The following SGO2 variants were observed in gnomAD, a reference collection of about 807,000 sequenced individuals.
The protein encoded by SGO2 is shugoshin-like 2.
A neutral mutation model predicts 99.5 loss-of-function variants in SGO2; 68 were observed. The observed-to-expected ratio is 0.68, with a 90% CI of 0.56 to 0.84. SGO2 has a LOEUF of 0.84. Among genes scored for constraint, SGO2 ranks in the 40% least tolerant of loss-of-function variants. SGO2 has a pLI of 0.00. For synonymous variants in SGO2, 457 were observed against 487.1 expected (o/e 0.94, Z 0.81); for missense variants, 1,350 against 1,436.7 (o/e 0.94, Z 0.97).
chr2:200,556,948 G>A (rs2032744362), intron 5 of SGO2, among the ~76,000 whole-genome samples: 1 of 152,148 alleles, frequency 6.6e-6, no homozygotes, highest in Admixed American at 6.5e-5. Flanking sequence ...TCATTGCAAT[G>A]ACACTGAATC....
At chr2:200,531,515 A>T (rs2031377600) in intron 1 of SGO2, among the ~76,000 whole-genome samples, 1 of 152,096 alleles carries the variant, frequency 6.6e-6, no homozygotes. Flanking sequence ...CTGTGTCCTC[A>T]GGGGAGAGGG....
intron 5 of SGO2, among the ~76,000 whole-genome samples, chr2:200,568,816 T>A (rs1447449740): frequency 6.6e-6 from 1 of 152,140 alleles, no homozygotes; most frequent in Non-Finnish European, 1.5e-5. Flanking sequence ...AGTTGTTTTT[T>A]AAAATATTTT....
chr2:200,542,730 G>A (rs1030057596), intron 5 of SGO2, 66 bp downstream of exon 5: 1 of 1,364,482 alleles, frequency 7.3e-7, no homozygotes, highest in Non-Finnish European at 1.0e-6. Flanking sequence ...ATTAGTGTTT[G>A]TGTGTATTGT....
At chr2:200,549,463 C>T (rs1398904799) in intron 5 of SGO2, among the ~76,000 whole-genome samples, 2 of 152,104 alleles carry the variant, frequency 1.3e-5, no homozygotes, top group African/African-American at 4.8e-5. Context: ...AATAAAACTA[C>T]AGACCAATAT....
At chr2:200,533,906 A>G (rs1042799994) in intron 2 of SGO2, among the ~76,000 whole-genome samples, 6 of 152,136 alleles carry the variant, frequency 3.9e-5, no homozygotes, top group African/African-American at 1.4e-4. Flanking sequence ...CTTTGGCAAG[A>G]CTATTCCACA....
Position 200,535,152 on chromosome 2 carries a change from G to A in SGO2, c.290G>A (p.Arg97His), listed in dbSNP as rs758042162. The A allele has an allele frequency of 3.9e-5, 60 of 1,523,840 alleles. No individual in the cohort carries two copies. The highest frequency in any genetic ancestry group is 1.0e-4 in the African/African-American group (7 of 68,928). 94.4% of individuals were successfully genotyped at this position (1,523,840 alleles called of 1,614,324 possible). A position where few individuals can be genotyped will look rare whatever the true frequency, so the allele number is the denominator to read the frequency against. ...CTGAATTTTGAGAACACATTTCTTC[G>A]CCTAAAGCTAAATAACTTGGTATGT... ...EKLNFENTFLRLKLNNLNKKL... is the reference protein window; with the variant it reads ...EKLNFENTFLHLKLNNLNKKL... The change falls in exon 3 of 9, where the codon CGC (arginine) becomes CAC (histidine). Residue 97 changes from arginine (R) to histidine (H), a missense_variant. Transcript: ENST00000357799.
rs2033394406 is a variant in SGO2, at chr2:200,571,067, G to T, written c.721G>T (p.Asp241Tyr). ...VPPRESHSHS[D>Y]QSSKTSLMSE... ...CTTAATAGAAAGCCATTCCCACTCA[G>T]ACCAAAGTTCTAAGACTTCTCTAAT... The change falls in exon 7 of 9, where the codon GAC becomes TAC. Residue 241 changes from aspartate (D) to tyrosine (Y), a missense_variant. By Grantham distance (160) the Asp-to-Tyr change is radical. Transcript: ENST00000357799. 2 of 1,580,316 alleles carry T rather than the reference G, an allele frequency of 1.3e-6. No individual in the cohort carries two copies. Among genetic ancestry groups the T allele is most frequent in the East Asian group, 4.5e-5 (2 of 44,442 alleles).
chr2:200,567,611 A>G (rs1179987730), intron 5 of SGO2, among the ~76,000 whole-genome samples: 3 of 151,918 alleles, frequency 2.0e-5, no homozygotes, highest in Admixed American at 6.6e-5. Flanking sequence ...AGCAGTCTCC[A>G]TTCTCCACCC....
intron 8 of SGO2, among the ~76,000 whole-genome samples, chr2:200,583,137 T>C (rs2033894025): frequency 6.6e-6 from 1 of 152,160 alleles, no homozygotes; most frequent in East Asian, 1.9e-4. Flanking sequence ...TGTTTTTAAA[T>C]GGTATATTTT....
At chr2:200,579,345 CCT>C (rs927972559) in intron 8 of SGO2, among the ~76,000 whole-genome samples, 13 of 152,222 alleles carry the variant, frequency 8.5e-5, no homozygotes, top group African/African-American at 2.6e-4. Context: ...TGTTTGTATG[CCT>C]CTTACTGTTT....
In SGO2 at chr2:200,571,302, A is replaced by T. The variant is rs769123593; in HGVS notation, c.956A>T (p.Asn319Ile). The T allele has an allele frequency of 1.2e-6, 2 of 1,613,248 alleles. No homozygotes were observed. Residue 319 changes from asparagine (N) to isoleucine (I), a missense_variant, in exon 7 of 9, where the codon AAT becomes ATT. Transcript: ENST00000357799. ...NEINGHTNET[N>I]TEMQRNKQDL... ...ATAAATGGTCATACTAATGAAACAA[A>T]TACTGAAATGCAAAGAAATAAACAG...
intron 8 of SGO2, among the ~76,000 whole-genome samples, chr2:200,576,584 A>G (rs2033672161): frequency 6.6e-6 from 1 of 152,330 alleles, no homozygotes; most frequent in South Asian, 2.1e-4. Flanking sequence ...AAAAAAGAAA[A>G]AAAAAGTATG....
At chr2:200,580,448 A>G in intron 8 of SGO2, 1 of 425,676 alleles carries the variant, frequency 2.3e-6, no homozygotes, top group Non-Finnish European at 4.7e-6. Context: ...CATATTTATT[A>G]TTTCCTTCTT....
chr2:200,569,579 A>G (rs1430660159), intron 5 of SGO2, 84 bp from the exon 6 acceptor site: 1 of 1,007,560 alleles, frequency 9.9e-7, no homozygotes. Flanking sequence ...TCGATCTTAA[A>G]TAGAATATAG....
intron 5 of SGO2, among the ~76,000 whole-genome samples, chr2:200,558,472 G>A (rs1051355768): frequency 2.0e-5 from 3 of 151,878 alleles, no homozygotes; most frequent in African/African-American, 7.3e-5. Flanking sequence ...ATTTTTGAAT[G>A]TTAAACCACA....
chr2:200,561,313 C>A (rs561829458), intron 5 of SGO2, among the ~76,000 whole-genome samples: 1 of 152,088 alleles, frequency 6.6e-6, no homozygotes, highest in African/African-American at 2.4e-5. Context: ...TCTGTCCTTG[C>A]AATAGTTTGC....
At chr2:200,538,461 T>C (rs1030877546) in intron 4 of SGO2, among the ~76,000 whole-genome samples, 3 of 152,174 alleles carry the variant, frequency 2.0e-5, no homozygotes, top group Non-Finnish European at 4.4e-5. Flanking sequence ...ACATTTCATA[T>C]CCTGCTTTTC....
intron 4 of SGO2, among the ~76,000 whole-genome samples, chr2:200,536,528 G>T (rs1167539912): frequency 2.0e-5 from 3 of 152,060 alleles, no homozygotes; most frequent in African/African-American, 7.2e-5. Context: ...ATAGAGGCTG[G>T]TCCTACTTTA....
intron 5 of SGO2, among the ~76,000 whole-genome samples, chr2:200,553,005 A>T (rs774138072): frequency 3.0e-4 from 45 of 152,002 alleles, no homozygotes; most frequent in Non-Finnish European, 5.4e-4. Flanking sequence ...GAGGGACGAA[A>T]ATTCATCTTC....
Sources: allele counts gnomAD v4.1 joint callset (sites outside exome capture counted in the v4.1 genomes callset), GRCh38; gene constraint gnomAD v4.1.1; transcripts MANE v1.5; gene names NCBI Gene and HGNC (gene_info 2026-07-23, HGNC 2026-07-21).